The following TCOF1 variants were observed in gnomAD, a reference collection of about 807,000 sequenced individuals.
TCOF1 encodes treacle ribosome biogenesis factor 1, also known as treacle protein.
Under a neutral mutation model 149.0 loss-of-function variants are expected in TCOF1, and 33 were observed. The ratio of observed to expected loss-of-function variants is 0.22; its 90% CI spans 0.17 to 0.30. The LOEUF (loss-of-function observed/expected upper bound fraction) is 0.30, where lower values mean the gene tolerates loss of function less well. Among genes scored for constraint, TCOF1 ranks in the 10% least tolerant of loss-of-function variants. The pLI, the probability that TCOF1 is intolerant of heterozygous loss-of-function variation, is 1.00. For synonymous variants in TCOF1, 789 were observed against 738.8 expected, an observed-to-expected ratio of 1.07 and a Z score of -1.10; for missense variants, 1,728 against 1,840.7, an observed-to-expected ratio of 0.94 and a Z score of 1.12.
chr5:150,391,219 C>G (rs557978436), intron 19 of TCOF1, among the ~76,000 whole-genome samples: 1 of 152,286 alleles, frequency 6.6e-6, no homozygotes, highest in Non-Finnish European at 1.5e-5. Context: ...TGCCCAATTT[C>G]CATGCCCACC....
chr5:150,357,873 TGTGCGAGGGCCGC>T lies in TCOF1; in HGVS notation c.108+24_108+36del. ...CGGCCAGGTAAGCGTTCGTGGGCCG[TGTGCGAGGGCCGC>T]GTGCAAGATGTGGAGATCAGCGGCC... On this transcript the variant is annotated intron_variant, in intron 1 of 26. Transcript: ENST00000643257. 6.5e-7 allele frequency: 1 copy of T among 1,547,524 alleles called. No individual in the cohort carries two copies. The highest frequency in any genetic ancestry group is 8.7e-7 in the Non-Finnish European group (1 of 1,145,686).
At position 150,376,642 on chromosome 5, in the gene TCOF1, C is replaced by A. The variant is rs377003748; in HGVS notation, c.2340+22C>A. Reference sequence around the variant, plus strand: ...ACAGGTGAGGCCTAGAAGGAGCAGGCCCATCCCACCCACACCTGTTCCTGA... The same window carrying A: ...ACAGGTGAGGCCTAGAAGGAGCAGGACCATCCCACCCACACCTGTTCCTGA... On this transcript the variant is annotated intron_variant, in intron 14 of 26. Coordinates refer to ENST00000643257, the MANE Select transcript of TCOF1 (RefSeq NM_001371623.1). 130 of 1,550,660 alleles carry A rather than the reference C, an allele frequency of 8.4e-5. 1 individual carries two copies. In the East Asian group the frequency reaches 3.1e-3, roughly 37 times the overall value.
At chr5:150,387,873 G>T (rs1423562063) in intron 17 of TCOF1, 29 bp from the exon 18 acceptor site, 2 of 1,612,234 alleles carry the variant, frequency 1.2e-6, no homozygotes, top group Non-Finnish European at 8.5e-7. Context: ...TTTAATCACT[G>T]GGGGGGTGTT....
At chr5:150,360,827 C>T (rs1255537199) in intron 1 of TCOF1, among the ~76,000 whole-genome samples, 2 of 151,112 alleles carry the variant, frequency 1.3e-5, no homozygotes, top group African/African-American at 4.9e-5. Flanking sequence ...GCCTCGATAT[C>T]CTGGGCTCAA....
rs549752928 is a variant in TCOF1, at chr5:150,370,075, C to G, written c.639+473C>G. Among the ~76,000 whole-genome samples, 5 of 152,248 alleles carry G rather than the reference C, an allele frequency of 3.3e-5. No homozygotes were observed. In the South Asian group the frequency reaches 1.0e-3, roughly 32 times the overall value. ...CACTTGGCTAGAGTTGGGCAGGACT[C>G]TTGGGTTTGTGAACTTTGACCTGGA... On this transcript the variant is annotated intron_variant, in intron 6 of 26. Coordinates refer to ENST00000643257, the MANE Select transcript of TCOF1 (RefSeq NM_001371623.1).
chr5:150,378,700 C>T (rs895698536), intron 14 of TCOF1: 14 of 645,284 alleles, frequency 2.2e-5, no homozygotes, highest in East Asian at 5.4e-5. Context: ...CATCATAACC[C>T]GTAGGTGGGC....
At chr5:150,367,287 A>C (rs1308676368) in intron 3 of TCOF1, among the ~76,000 whole-genome samples, 2 of 152,248 alleles carry the variant, frequency 1.3e-5, no homozygotes, top group African/African-American at 4.8e-5. Flanking sequence ...CCTGGGCGAC[A>C]GAGCAGGACT....
chr5:150,384,247 C>T, intron 17 of TCOF1: 1 of 992,256 alleles, frequency 1.0e-6, no homozygotes, highest in South Asian at 4.6e-5. Flanking sequence ...AGAACAACCA[C>T]CACCAACATC....
chr5:150,386,171 C>T (rs1186179706), intron 17 of TCOF1, among the ~76,000 whole-genome samples: 3 of 152,362 alleles, frequency 2.0e-5, no homozygotes, highest in Non-Finnish European at 4.4e-5. Context: ...CCTGCACCAC[C>T]TCCCTCCTAC....
At chr5:150,397,083 C>T (rs1330402134) in intron 24 of TCOF1, among the ~76,000 whole-genome samples, 4 of 142,530 alleles carry the variant, frequency 2.8e-5, no homozygotes, top group South Asian at 2.2e-4. Context: ...TGTTTGAACC[C>T]GGGAGGCAGA....
chr5:150,398,312 A>ATTACCATCTGTTGTTCAGGAACT, intron 24 of TCOF1, 42 bp from the exon 25 acceptor site: 1 of 1,611,872 alleles, frequency 6.2e-7, no homozygotes, highest in East Asian at 2.2e-5. Context: ...AGCACTTAGG[A>ATTACCATCTGTTGTTCAGGAACT]TTACCATCTG....
intron 14 of TCOF1, 37 bp from the exon 15 acceptor site, chr5:150,378,868 C>T: frequency 1.9e-6 from 3 of 1,613,900 alleles, no homozygotes; most frequent in African/African-American, 1.3e-5. Flanking sequence ...TACTCAATCT[C>T]ACCTTCTCCC....
chr5:150,399,112 C>A, intron 26 of TCOF1, 42 bp downstream of exon 26: 1 of 1,613,158 alleles, frequency 6.2e-7, no homozygotes, highest in Non-Finnish European at 8.5e-7. Flanking sequence ...GGTGGGAGGA[C>A]AGCTCTGGTG....
rs1301375577 is a variant in TCOF1, at chr5:150,368,723, C to T, written c.386C>T (p.Thr129Ile). ...CACTCTTGTTCTCTGTAGGCAGAGACAGAGAAAGCTGGCAAGACTGGGAAT... is the reference window on the plus strand; with the variant it reads ...CACTCTTGTTCTCTGTAGGCAGAGATAGAGAAAGCTGGCAAGACTGGGAAT... ...SSMKEKAKAE[T>I]EKAGKTGNSM... Residue 129 changes from threonine (T) to isoleucine (I), a missense_variant, in exon 5 of 27, where the codon ACA (threonine) becomes ATA (isoleucine). Coordinates refer to ENST00000643257, the MANE Select transcript of TCOF1 (RefSeq NM_001371623.1). 4 of 1,614,024 alleles carry T rather than the reference C, an allele frequency of 2.5e-6. No individual in the cohort carries two copies. Among genetic ancestry groups the T allele is most frequent in the Non-Finnish European group, 3.4e-6 (4 of 1,180,004 alleles).
Position 150,375,521 on chromosome 5 carries a change from T to G in TCOF1, c.1671T>G (p.Asp557Glu). Reference protein sequence around the residue: ...SSSEESSDSSDGEVPTAVAPA... With the variant: ...SSSEESSDSSEGEVPTAVAPA... ...GTGAGGAGTCATCAGACAGCAGTGA[T>G]GGAGAGGTGCCCACAGCTGTGGCCC... Residue 557 changes from aspartate to glutamate, a missense_variant, in exon 11 of 27, where the codon GAT becomes GAG. This residue lies in a region of TCOF1 where 1,696 missense variants were observed against 1,765.4 expected (regional missense o/e 0.96). Coordinates refer to ENST00000643257, the MANE Select transcript of TCOF1 (RefSeq NM_001371623.1). The G allele has an allele frequency of 6.2e-7, 1 of 1,614,092 alleles. No homozygotes were observed. The highest frequency in any genetic ancestry group is 8.5e-7 in the Non-Finnish European group (1 of 1,179,978).
At chr5:150,388,669 G>A (rs1766772069) in intron 18 of TCOF1, among the ~76,000 whole-genome samples, 1 of 152,196 alleles carries the variant, frequency 6.6e-6, no homozygotes, top group South Asian at 2.1e-4. Context: ...CGGGTGCAGT[G>A]GCTCACGCCT....
At chr5:150,382,385 C>T (rs1427713261) in intron 17 of TCOF1, among the ~76,000 whole-genome samples, 1 of 152,152 alleles carries the variant, frequency 6.6e-6, no homozygotes, top group Admixed American at 6.5e-5. Context: ...CTGCAGTGTG[C>T]ATTGTAGTTG....
intron 3 of TCOF1, among the ~76,000 whole-genome samples, chr5:150,366,117 CAAA>C (rs1189483486): frequency 5.2e-5 from 5 of 95,352 alleles, no homozygotes; most frequent in Non-Finnish European, 8.8e-5. Context: ...AAGACTGTCT[CAAA>C]AAAAAAAAAA....
chr5:150,371,977 C>A (rs1762629924), intron 6 of TCOF1, 29 bp from the exon 7 acceptor site: 4 of 1,586,024 alleles, frequency 2.5e-6, no homozygotes, highest in African/African-American at 1.3e-5. Flanking sequence ...AATTATTATT[C>A]ATTTTCTAAT....
Sources: gnomAD v4.1 joint callset for allele counts (sites outside exome capture counted in the v4.1 genomes callset) on GRCh38, gnomAD v4.1.1 for gene constraint, gnomAD v4.1.1 regional missense constraint, MANE v1.5 for transcripts, NCBI Gene and HGNC (gene_info 2026-07-23, HGNC 2026-07-21) for gene names.